WSCD1: variants seen among roughly 807,000 people sequenced by gnomAD.
WSCD1 encodes WSC domain sialate O sulfotransferase 1, also known as sialate:O-sulfotransferase 1.
Under a neutral mutation model 60.4 loss-of-function variants are expected in WSCD1, and 41 were observed. The observed-to-expected ratio is 0.68, with a 90% CI of 0.53 to 0.88. WSCD1 has a LOEUF of 0.88. Among genes scored for constraint, WSCD1 ranks in the 40% least tolerant of loss-of-function variants. The pLI, the probability that WSCD1 is intolerant of heterozygous loss-of-function variation, is 0.00. For missense variants in WSCD1, 784 were observed against 796.2 expected, an observed-to-expected ratio of 0.98 and a Z score of 0.18; for synonymous variants, 361 against 332.5, an observed-to-expected ratio of 1.09 and a Z score of -0.93.
chr17:6,077,465 T>C (rs1383022026), intron 1 of WSCD1, among the ~76,000 whole-genome samples: 1 of 152,102 alleles, frequency 6.6e-6, no homozygotes, highest in African/African-American at 2.4e-5. Context: ...AAGTTGGGAG[T>C]GCAGCCTGCT....
At chr17:6,073,709 G>A (rs940808671) in intron 1 of WSCD1, among the ~76,000 whole-genome samples, 3 of 152,258 alleles carry the variant, frequency 2.0e-5, no homozygotes, top group South Asian at 2.1e-4. Context: ...AAGTGAGAAA[G>A]GCTCCAAATC....
chr17:6,105,387 T>C (rs1457253192), intron 5 of WSCD1, among the ~76,000 whole-genome samples: 5 of 152,214 alleles, frequency 3.3e-5, no homozygotes, highest in African/African-American at 1.2e-4. Flanking sequence ...GATCCTTTTT[T>C]CCTCTTCTTT....
In WSCD1 at chr17:6,118,089, C is replaced by A. The variant is rs1347987735; in HGVS notation, c.1276C>A (p.Leu426Met). 1.9e-6 allele frequency: 3 copies of A among 1,614,090 alleles called. No homozygotes were observed. Among genetic ancestry groups the A allele is most frequent in the Non-Finnish European group, 2.5e-6 (3 of 1,180,042 alleles). Residue 426 changes from leucine (L) to methionine (M), a missense_variant, in exon 8 of 9, where the codon CTG becomes ATG. Physicochemically the swap from Leu to Met is conservative, Grantham distance 15. Transcript: ENST00000317744. The surrounding 1 kb of genome is among the most constrained non-coding windows in gnomAD (Gnocchi z 5.8). The part of the protein sequence containing the change: ...REIEMFDSAI[L>M]LIRNPYRSLV... Reference sequence around the variant, plus strand: ...GATTGAGATGTTTGATTCAGCCATCCTGCTAATCCGGAACCCATACAGGTC... The same window carrying A: ...GATTGAGATGTTTGATTCAGCCATCATGCTAATCCGGAACCCATACAGGTC...
In WSCD1 at chr17:6,073,280, T is replaced by A. The variant is rs184841816; in HGVS notation, c.-289+2628T>A. ...GATGGGCTTGAGACGACCCTTAAGC[T>A]TTCAGCACCAGGTGGAAGAAACACA... On this transcript the variant is annotated intron_variant, in intron 1 of 8. Coordinates refer to ENST00000317744, the MANE Select transcript of WSCD1 (RefSeq NM_015253.2). Among the ~76,000 whole-genome samples, 734 of 152,330 alleles carry A rather than the reference T, an allele frequency of 4.8e-3. 7 individuals carry two copies. The highest frequency in any genetic ancestry group is 0.016 in the African/African-American group (683 of 41,562).
rs1909161973 is a variant in WSCD1, at chr17:6,080,527, C to A, written c.-132C>A. ...GAAACGGGGCAGGAACAGTGAGTGA[C>A]CCCAGGCGAGCACAGGCAGGTGCCA... is the stretch of plus-strand genomic sequence containing the variant. On this transcript the variant is annotated 5_prime_UTR_variant, in exon 2 of 9. Transcript: ENST00000317744. The surrounding 1 kb of genome is among the most constrained non-coding windows in gnomAD (Gnocchi z 6.6). 13 of 915,278 alleles carry A rather than the reference C, an allele frequency of 1.4e-5. No individual in the cohort carries two copies. In the East Asian group the frequency reaches 2.8e-4, roughly 20 times the overall value. The allele number at this position is 915,278 out of a possible 1,614,324, so 56.7% of individuals were successfully genotyped here. A position where few individuals can be genotyped will look rare whatever the true frequency, so the allele number is the denominator to read the frequency against.
intron 5 of WSCD1, among the ~76,000 whole-genome samples, chr17:6,100,525 C>T (rs1389370448): frequency 3.9e-5 from 6 of 152,246 alleles, no homozygotes; most frequent in African/African-American, 1.2e-4. Context: ...GAACTCAAAC[C>T]GTCTGTACTG....
intron 5 of WSCD1, among the ~76,000 whole-genome samples, chr17:6,108,672 C>T (rs1360957844): frequency 6.6e-6 from 1 of 152,196 alleles, no homozygotes. Flanking sequence ...GATTTTATTA[C>T]TTTTTTCAGT....
chr17:6,109,423 T>C (rs1401314953), intron 5 of WSCD1, among the ~76,000 whole-genome samples, 184 bp from the exon 6 acceptor site: 1 of 152,192 alleles, frequency 6.6e-6, no homozygotes, highest in Non-Finnish European at 1.5e-5. Flanking sequence ...TCACATCTTG[T>C]TGATCTTTGT....
intron 5 of WSCD1, among the ~76,000 whole-genome samples, chr17:6,099,872 T>A (rs1022062762): frequency 2.6e-5 from 4 of 152,152 alleles, no homozygotes; most frequent in African/African-American, 9.7e-5. Flanking sequence ...TTCTTCTTCC[T>A]TCCTTCTTTC....
chr17:6,086,617 G>T (rs1909667123), intron 2 of WSCD1, among the ~76,000 whole-genome samples: 1 of 152,116 alleles, frequency 6.6e-6, no homozygotes, highest in African/African-American at 2.4e-5. Flanking sequence ...GCCTCCCAAA[G>T]TGCTGGCATT....
At chr17:6,086,280 T>C (rs1231034873) in intron 2 of WSCD1, among the ~76,000 whole-genome samples, 2 of 147,168 alleles carry the variant, frequency 1.4e-5, no homozygotes, top group Non-Finnish European at 3.0e-5. Flanking sequence ...TATATACTTA[T>C]GTACTTCATG....
rs145817538 is a variant in WSCD1, at chr17:6,121,063, G to A, written c.*402G>A. On this transcript the variant is annotated 3_prime_UTR_variant, in exon 9 of 9. Coordinates refer to ENST00000317744, the MANE Select transcript of WSCD1 (RefSeq NM_015253.2). The stretch of plus-strand genomic sequence containing the variant: ...GTCTCTCTCACACAGATACACGTGC[G>A]CTCCCTGGGATCCGGGAGGCCCTGG... The A allele has an allele frequency of 4.0e-3, 827 of 205,284 alleles. 2 individuals are homozygous for A. Among genetic ancestry groups the A allele is most frequent in the Non-Finnish European group, 6.2e-3 (635 of 101,976 alleles). The allele number at this position is 205,284 out of a possible 1,614,324, so 12.7% of individuals were successfully genotyped here. A position where few individuals can be genotyped will look rare whatever the true frequency, so the allele number is the denominator to read the frequency against.
intron 7 of WSCD1, among the ~76,000 whole-genome samples, chr17:6,114,200 A>G (rs1455379947): frequency 1.3e-5 from 2 of 151,736 alleles, no homozygotes; most frequent in East Asian, 3.9e-4. Context: ...TCACGGCCAC[A>G]TGGATGAGCC....
intron 1 of WSCD1, among the ~76,000 whole-genome samples, chr17:6,073,573 T>C (rs1400063056): frequency 1.3e-5 from 2 of 152,230 alleles, no homozygotes; most frequent in Non-Finnish European, 2.9e-5. Context: ...GAGGTTGCGG[T>C]GAGCCAAGAT....
At chr17:6,117,511 A>G (rs1225032148) in intron 7 of WSCD1, among the ~76,000 whole-genome samples, 1 of 152,218 alleles carries the variant, frequency 6.6e-6, no homozygotes. Context: ...GCATGTGGAG[A>G]GAGCCCTGGC....
chr17:6,087,930 C>A, intron 2 of WSCD1, 60 bp from the exon 3 acceptor site: 2 of 1,427,766 alleles, frequency 1.4e-6, no homozygotes, highest in East Asian at 2.3e-5. Flanking sequence ...CCTGGCTTTT[C>A]CTAAGGGTGG....
At chr17:6,113,950 T>C (rs189827987) in intron 7 of WSCD1, among the ~76,000 whole-genome samples, 19 of 151,838 alleles carry the variant, frequency 1.3e-4, no homozygotes, top group Non-Finnish European at 2.1e-4. Flanking sequence ...CAAAAAAAAG[T>C]AGAATTGTCA....
At chr17:6,095,054 A>G in intron 4 of WSCD1, 48 bp from the exon 5 acceptor site, 1 of 1,573,402 alleles carries the variant, frequency 6.4e-7, no homozygotes, top group South Asian at 1.2e-5. Flanking sequence ...GACAGGCACC[A>G]ACAACTGGAC....
chr17:6,089,962 A>G (rs2150544438), intron 3 of WSCD1, among the ~76,000 whole-genome samples: 1 of 152,196 alleles, frequency 6.6e-6, no homozygotes, highest in East Asian at 1.9e-4. Flanking sequence ...CTGTCTGTTC[A>G]CCTAGACCCA....
Sources: allele counts gnomAD v4.1 joint callset (sites outside exome capture counted in the v4.1 genomes callset), GRCh38; gene constraint gnomAD v4.1.1; non-coding constraint Gnocchi (gnomAD v3.1); transcripts MANE v1.5; gene names NCBI Gene and HGNC (gene_info 2026-07-23, HGNC 2026-07-21).